The following NEK11 variants were observed in gnomAD, a reference collection of about 807,000 sequenced individuals.
NEK11 encodes the protein NIMA related kinase 11, also known as serine/threonine-protein kinase Nek11.
NEK11 carries 72 observed loss-of-function variants against 80.7 expected under a neutral mutation model. That is an observed-to-expected ratio of 0.89 (90% CI 0.74 to 1.08). NEK11 has a LOEUF of 1.08. Among genes scored for constraint, NEK11 ranks in the 50% least tolerant of loss-of-function variants. The probability of loss-of-function intolerance (pLI) is 0.00; values close to 1 mark genes in which losing one functional copy is unlikely to be tolerated. For synonymous variants in NEK11, 251 were observed against 260.7 expected (o/e 0.96, Z 0.36); for missense variants, 764 against 763.6 (o/e 1.00, Z -0.01).
intron 3 of NEK11, among the ~76,000 whole-genome samples, chr3:131,065,228 A>G (rs919479024): frequency 6.6e-6 from 1 of 152,204 alleles, no homozygotes; most frequent in Non-Finnish European, 1.5e-5. Context: ...TACCAGTCTC[A>G]GTTTTCTTAT....
At chr3:131,332,541 A>G (rs896727173) in intron 17 of NEK11, among the ~76,000 whole-genome samples, 12 of 152,178 alleles carry the variant, frequency 7.9e-5, no homozygotes, top group African/African-American at 2.9e-4. Flanking sequence ...AAAACTGGAA[A>G]CTCTAAAAAA....
At chr3:131,216,879 G>A (rs2094855242) in intron 14 of NEK11, among the ~76,000 whole-genome samples, 4 of 152,228 alleles carry the variant, frequency 2.6e-5, no homozygotes, top group Non-Finnish European at 4.4e-5. Flanking sequence ...CGCAGAGGGG[G>A]CTCTTTGTAA....
chr3:131,053,174 G>A (rs1448302098), intron 3 of NEK11: 1 of 152,158 alleles, frequency 6.6e-6, no homozygotes, highest in Non-Finnish European at 1.5e-5. Context: ...AAGAATAAAA[G>A]TCATTATTTA....
At chr3:131,043,058 A>C (rs867608261) in intron 3 of NEK11, among the ~76,000 whole-genome samples, 2 of 152,344 alleles carry the variant, frequency 1.3e-5, no homozygotes, top group Middle Eastern at 3.4e-3. Flanking sequence ...ACAGAAAGCA[A>C]TAGCATCAAC....
chr3:131,238,641 G>T (rs2095472479), intron 15 of NEK11, among the ~76,000 whole-genome samples: 1 of 152,144 alleles, frequency 6.6e-6, no homozygotes, highest in Non-Finnish European at 1.5e-5. Flanking sequence ...ATGGAAAGGA[G>T]CCAGCCCTTG....
At position 131,350,079 on chromosome 3, in the gene NEK11, C is replaced by T. The variant is rs1014297794; in HGVS notation, c.*303C>T. ...TTCCAGCAGGATTGAGTCACCCTGA[C>T]GATGACCGGGGAGAAGCCGTGTGCT... On this transcript the variant is annotated 3_prime_UTR_variant, in exon 18 of 18. Coordinates refer to ENST00000383366, the MANE Select transcript of NEK11 (RefSeq NM_024800.5). The T allele has an allele frequency of 2.2e-5, 7 of 315,374 alleles. No individual in the cohort carries two copies. The highest frequency in any genetic ancestry group is 1.8e-4 in the South Asian group (5 of 28,214). The allele number at this position is 315,374 out of a possible 1,614,324, so 19.5% of individuals were successfully genotyped here. A position where few individuals can be genotyped will look rare whatever the true frequency, so the allele number is the denominator to read the frequency against.
Position 131,202,023 on chromosome 3 carries a change from C to T in NEK11, c.1400-26505C>T, listed in dbSNP as rs545613026. Among the ~76,000 whole-genome samples, 129 of 151,956 alleles carry T rather than the reference C, an allele frequency of 8.5e-4. 1 individual carries two copies. The South Asian group carries it at 0.024, about 28-fold the overall frequency. On this transcript the variant is annotated intron_variant, in intron 14 of 17. Coordinates refer to ENST00000383366, the MANE Select transcript of NEK11 (RefSeq NM_024800.5). ...CTAATTTTTGTATTTTTAGTAGAGA[C>T]GGGGTTTCACCATGTTAGCCAGGAT...
intron 4 of NEK11, 33 bp from the exon 5 acceptor site, chr3:131,109,770 A>C: frequency 6.4e-7 from 1 of 1,552,642 alleles, no homozygotes; most frequent in Non-Finnish European, 8.6e-7. Flanking sequence ...ATATTAGCTG[A>C]AAAAATATGA....
chr3:131,273,511 T>A lies in NEK11; in HGVS notation c.1655T>A (p.Met552Lys). The change falls in exon 17 of 18, where the codon ATG becomes AAG. Residue 552 changes from methionine to lysine, a missense_variant. Transcript: ENST00000383366. ...ACCATCACCACCATGGCTGAAGACA[T>A]GTCCCCAGGACCACCAATTTTCAAC... ...TKTITTMAED[M>K]SPGPPIFNSV... The A allele has an allele frequency of 1.2e-6, 2 of 1,614,012 alleles. No individual in the cohort carries two copies. The highest frequency in any genetic ancestry group is 2.2e-5 in the East Asian group (1 of 44,878).
chr3:131,216,954 G>T (rs1021194476), intron 14 of NEK11, among the ~76,000 whole-genome samples: 3 of 152,142 alleles, frequency 2.0e-5, no homozygotes, highest in Non-Finnish European at 4.4e-5. Context: ...CTCCAGCAGG[G>T]GCCCATGGTA....
chr3:131,273,105 T>A (rs2096229159), intron 16 of NEK11, among the ~76,000 whole-genome samples: 1 of 152,154 alleles, frequency 6.6e-6, no homozygotes, highest in Non-Finnish European at 1.5e-5. Context: ...AGTCACTTAG[T>A]CAAACATCCA....
intron 17 of NEK11, among the ~76,000 whole-genome samples, chr3:131,293,629 T>G (rs935353307): frequency 1.3e-5 from 2 of 152,098 alleles, no homozygotes; most frequent in Non-Finnish European, 2.9e-5. Flanking sequence ...TTAGGAAATA[T>G]TCCTTCTGCT....
At chr3:131,056,503 T>G (rs1322848162) in intron 3 of NEK11, among the ~76,000 whole-genome samples, 1 of 152,186 alleles carries the variant, frequency 6.6e-6, no homozygotes, top group Non-Finnish European at 1.5e-5. Flanking sequence ...CACTCTCATT[T>G]TGGTTTCTCC....
At chr3:131,110,205 G>C (rs2079878106) in intron 5 of NEK11, among the ~76,000 whole-genome samples, 1 of 152,112 alleles carries the variant, frequency 6.6e-6, no homozygotes, top group Non-Finnish European at 1.5e-5. Flanking sequence ...CATGTCCTGT[G>C]AATTACAGGA....
chr3:131,287,542 G>A (rs184351057), intron 17 of NEK11, among the ~76,000 whole-genome samples: 10 of 152,292 alleles, frequency 6.6e-5, no homozygotes, highest in African/African-American at 2.2e-4. Context: ...CCAAAGTGGT[G>A]GGATTACAGG....
chr3:131,274,461 T>C (rs1383482412), intron 17 of NEK11, among the ~76,000 whole-genome samples: 1 of 150,634 alleles, frequency 6.6e-6, no homozygotes, highest in Non-Finnish European at 1.5e-5. Flanking sequence ...TATAGTCCTT[T>C]GGGTATATAC....
At chr3:131,309,108 G>A (rs1051100492) in intron 17 of NEK11, among the ~76,000 whole-genome samples, 1 of 152,208 alleles carries the variant, frequency 6.6e-6, no homozygotes, top group Non-Finnish European at 1.5e-5. Flanking sequence ...CTGGCCCGCG[G>A]CCTAAGGGTT....
chr3:131,139,399 G>T (rs936901429), intron 7 of NEK11, among the ~76,000 whole-genome samples: 1 of 148,958 alleles, frequency 6.7e-6, no homozygotes, highest in Non-Finnish European at 1.5e-5. Context: ...GATCTGGAAA[G>T]TAGCCTCAAA....
chr3:131,344,953 T>G (rs1020097494), intron 17 of NEK11, among the ~76,000 whole-genome samples: 1 of 152,216 alleles, frequency 6.6e-6, no homozygotes, highest in Non-Finnish European at 1.5e-5. Context: ...GGGACAGATA[T>G]CCAAACTATA....
Sources: gnomAD v4.1 joint callset for allele counts (sites outside exome capture counted in the v4.1 genomes callset) on GRCh38, gnomAD v4.1.1 for gene constraint, MANE v1.5 for transcripts, NCBI Gene and HGNC (gene_info 2026-07-23, HGNC 2026-07-21) for gene names.